The following HS6ST3 variants were observed in gnomAD, a reference collection of about 807,000 sequenced individuals.
HS6ST3 encodes the protein heparan-sulfate 6-O-sulfotransferase 3.
In HS6ST3, 12 loss-of-function variants were observed where a neutral mutation model predicts 36.7. The ratio of observed to expected loss-of-function variants is 0.33; its 90% CI spans 0.21 to 0.53. HS6ST3 has a LOEUF of 0.53. Among genes scored for constraint, HS6ST3 ranks in the 20% least tolerant of loss-of-function variants. The pLI is 0.95. For synonymous variants in HS6ST3, 240 were observed against 257.5 expected (o/e 0.93, Z 0.65); for missense variants, 584 against 640.9 (o/e 0.91, Z 0.96).
intron 1 of HS6ST3, among the ~76,000 whole-genome samples, chr13:96,606,917 TAAAC>T (rs775622836): frequency 6.6e-5 from 10 of 151,514 alleles, no homozygotes; most frequent in Non-Finnish European, 1.2e-4. Context: ...AGCTCAAAAA[TAAAC>T]AAAGCAATAA....
intron 1 of HS6ST3, among the ~76,000 whole-genome samples, chr13:96,478,069 C>G (rs1393043273): frequency 6.6e-6 from 1 of 152,044 alleles, no homozygotes; most frequent in Non-Finnish European, 1.5e-5. Context: ...TTAAATATGG[C>G]TAGTAGTTTG....
At chr13:96,201,234 G>A (rs1459927389) in intron 1 of HS6ST3, among the ~76,000 whole-genome samples, 1 of 152,208 alleles carries the variant, frequency 6.6e-6, no homozygotes, top group Admixed American at 6.5e-5. Context: ...CTCCAAGGAA[G>A]CTTGGCCTGC....
At chr13:96,307,270 C>A (rs1407734044) in intron 1 of HS6ST3, among the ~76,000 whole-genome samples, 1 of 152,048 alleles carries the variant, frequency 6.6e-6, no homozygotes. Context: ...TAATCTTAGG[C>A]AATTATTTGG....
intron 1 of HS6ST3, among the ~76,000 whole-genome samples, chr13:96,812,361 T>C (rs921710908): frequency 3.9e-5 from 6 of 152,144 alleles, no homozygotes; most frequent in African/African-American, 1.4e-4. Flanking sequence ...TTTTACTTCC[T>C]CTTACTCCAA....
intron 1 of HS6ST3, among the ~76,000 whole-genome samples, chr13:96,254,332 T>C (rs944262055): frequency 6.9e-6 from 1 of 144,222 alleles, no homozygotes; most frequent in Non-Finnish European, 1.5e-5. Flanking sequence ...GAGAATTGCT[T>C]GAACCCGGGA....
At chr13:96,776,530 A>G (rs1361718565) in intron 1 of HS6ST3, among the ~76,000 whole-genome samples, 1 of 152,190 alleles carries the variant, frequency 6.6e-6, no homozygotes, top group African/African-American at 2.4e-5. Flanking sequence ...ATCCCACAGA[A>G]ATACGAACTA....
intron 1 of HS6ST3, among the ~76,000 whole-genome samples, chr13:96,326,758 T>C (rs888092299): frequency 2.0e-5 from 3 of 151,980 alleles, no homozygotes; most frequent in Non-Finnish European, 1.5e-5. Flanking sequence ...CACCACACTG[T>C]CTTCCACAAT....
intron 1 of HS6ST3, among the ~76,000 whole-genome samples, chr13:96,771,485 GT>G (rs1877264176): frequency 6.6e-6 from 1 of 152,164 alleles, no homozygotes; most frequent in Non-Finnish European, 1.5e-5. Flanking sequence ...TTCTAATCAT[GT>G]AATCACTCTA....
intron 1 of HS6ST3, among the ~76,000 whole-genome samples, chr13:96,339,867 T>G (rs1440004785): frequency 6.6e-6 from 1 of 152,202 alleles, no homozygotes; most frequent in Non-Finnish European, 1.5e-5. Context: ...TTTGTGGGTG[T>G]TAACCACAAG....
rs536327624 is a variant in HS6ST3, at chr13:96,167,873, G to C, written c.707+76304G>C. 2.9e-4 allele frequency among the ~76,000 whole-genome samples: 44 copies of C among 152,242 alleles called. 1 individual carries two copies. In the South Asian group the frequency reaches 8.9e-3, roughly 31 times the overall value. On this transcript the variant is annotated intron_variant, in intron 1 of 1. Transcript: ENST00000376705. ...TATCTCTGATATATAAATAAACTCTGTATATGTGTGTGTAAAGTGCTGGAT... is the reference window on the plus strand; with the variant it reads ...TATCTCTGATATATAAATAAACTCTCTATATGTGTGTGTAAAGTGCTGGAT...
chr13:96,451,007 A>C (rs2055725139), intron 1 of HS6ST3, among the ~76,000 whole-genome samples: 1 of 152,168 alleles, frequency 6.6e-6, no homozygotes, highest in South Asian at 2.1e-4. Context: ...AAGCAGATTT[A>C]GTCTCTCATG....
intron 1 of HS6ST3, among the ~76,000 whole-genome samples, chr13:96,450,315 A>T (rs909910984): frequency 3.3e-5 from 5 of 152,176 alleles, no homozygotes; most frequent in Non-Finnish European, 7.3e-5. Context: ...TGCCATAGGA[A>T]CTTTTATGAT....
At chr13:96,807,906 TTAACTG>T (rs1397916524) in intron 1 of HS6ST3, among the ~76,000 whole-genome samples, 1 of 151,958 alleles carries the variant, frequency 6.6e-6, no homozygotes, top group East Asian at 1.9e-4. Context: ...ATGTGAGACT[TTAACTG>T]TAATTTAAAA....
At chr13:96,325,001 AT>A (rs983601987) in intron 1 of HS6ST3, among the ~76,000 whole-genome samples, 3 of 152,270 alleles carry the variant, frequency 2.0e-5, no homozygotes, top group South Asian at 2.1e-4. Context: ...AGGATGGACA[AT>A]TTGTTTAAAT....
intron 1 of HS6ST3, among the ~76,000 whole-genome samples, chr13:96,399,171 C>T (rs948523790): frequency 6.6e-6 from 1 of 152,180 alleles, no homozygotes; most frequent in South Asian, 2.1e-4. Flanking sequence ...CTGATTTTGA[C>T]CAACCTTTGC....
intron 1 of HS6ST3, among the ~76,000 whole-genome samples, chr13:96,517,779 T>C (rs963032401): frequency 6.6e-6 from 1 of 152,102 alleles, no homozygotes; most frequent in Non-Finnish European, 1.5e-5. Context: ...CAGGCCCCAG[T>C]GTCTGTTGTT....
At chr13:96,195,358 C>T (rs1267203002) in intron 1 of HS6ST3, among the ~76,000 whole-genome samples, 2 of 152,166 alleles carry the variant, frequency 1.3e-5, no homozygotes, top group Non-Finnish European at 2.9e-5. Context: ...TACTGTATAG[C>T]TTCGACGGTT....
chr13:96,236,746 A>C (rs975799940), intron 1 of HS6ST3, among the ~76,000 whole-genome samples: 1 of 152,214 alleles, frequency 6.6e-6, no homozygotes, highest in Non-Finnish European at 1.5e-5. Context: ...CCAAACTGCT[A>C]TCCTACTATA....
chr13:96,286,555 TAAC>T (rs1353269878), intron 1 of HS6ST3, among the ~76,000 whole-genome samples: 2 of 152,162 alleles, frequency 1.3e-5, no homozygotes, highest in African/African-American at 4.8e-5. Flanking sequence ...GACATACAGA[TAAC>T]AACAAGATAT....
Sources: gnomAD v4.1 joint callset for allele counts (sites outside exome capture counted in the v4.1 genomes callset) on GRCh38, gnomAD v4.1.1 for gene constraint, MANE v1.5 for transcripts, NCBI Gene and HGNC (gene_info 2026-07-23, HGNC 2026-07-21) for gene names.